Variants in DLGAP2 observed in about 807,000 individuals in gnomAD.
The protein encoded by DLGAP2 is DLG associated protein 2, also known as disks large-associated protein 2.
Under a neutral mutation model 100.3 loss-of-function variants are expected in DLGAP2, and 26 were observed. The observed-to-expected ratio is 0.26, with a 90% CI of 0.19 to 0.36. The LOEUF is 0.36. Ranked by LOEUF, DLGAP2 falls within the 10% of genes least tolerant of loss-of-function variation. DLGAP2 has a pLI of 1.00. For synonymous variants in DLGAP2, 886 were observed against 630.1 expected (o/e 1.41, Z -6.08); for missense variants, 1,858 against 1,453.2 (o/e 1.28, Z -4.53).
At chr8:1,361,200 A>C (rs1801975039) in intron 3 of DLGAP2, among the ~76,000 whole-genome samples, 1 of 152,150 alleles carries the variant, frequency 6.6e-6, no homozygotes, top group Admixed American at 6.5e-5. Context: ...CACCAACTGC[A>C]AATGTGTAGC....
At chr8:1,002,976 G>C (rs895680640) in intron 2 of DLGAP2, 3 of 152,218 alleles carry the variant, frequency 2.0e-5, no homozygotes, top group Non-Finnish European at 4.4e-5. Context: ...CCTTTATAAC[G>C]ATCTGGGACG....
chr8:739,606 G>A lies in DLGAP2; in HGVS notation c.18+1781G>A, dbSNP rs536686810. On this transcript the variant is annotated intron_variant, in intron 1 of 14. Transcript: ENST00000637795. The stretch of plus-strand genomic sequence containing the variant: ...AAAATGGCGAAATGATGAAAAAATG[G>A]TAATTCTTGGCAGGTCAAGTTGTTA... 3 of 152,352 alleles carry A rather than the reference G, an allele frequency of 2.0e-5. No homozygotes were observed. The South Asian group carries it at 6.2e-4, about 32-fold the overall frequency. 9.4% of individuals were successfully genotyped at this position (152,352 alleles called of 1,614,324 possible).
chr8:1,326,957 A>T (rs904790079), intron 3 of DLGAP2, among the ~76,000 whole-genome samples: 1 of 152,250 alleles, frequency 6.6e-6, no homozygotes, highest in Admixed American at 6.5e-5. Flanking sequence ...TTTAGCCAGC[A>T]TAAAATGTCT....
chr8:1,600,636 C>G (rs977181596), intron 6 of DLGAP2, among the ~76,000 whole-genome samples: 9 of 152,170 alleles, frequency 5.9e-5, no homozygotes, highest in African/African-American at 2.2e-4. Flanking sequence ...GCTTCAATTT[C>G]TGATATCCTT....
At chr8:838,206 C>T (rs1166668742) in intron 1 of DLGAP2, among the ~76,000 whole-genome samples, 1 of 152,014 alleles carries the variant, frequency 6.6e-6, no homozygotes, top group East Asian at 1.9e-4. Context: ...CTTTCCCCTC[C>T]CTTTGTTCCT....
chr8:1,495,121 C>T (rs1210774362), intron 3 of DLGAP2, among the ~76,000 whole-genome samples: 1 of 152,212 alleles, frequency 6.6e-6, no homozygotes, highest in Non-Finnish European at 1.5e-5. Flanking sequence ...CCCTTCCCTG[C>T]CAAGATCAGA....
At chr8:1,254,316 T>C (rs940326097) in intron 2 of DLGAP2, among the ~76,000 whole-genome samples, 6 of 152,168 alleles carry the variant, frequency 3.9e-5, no homozygotes, top group African/African-American at 1.4e-4. Context: ...GATGGGTCCA[T>C]CAAGGCCTCG....
At chr8:1,382,718 G>T (rs1287375267) in intron 3 of DLGAP2, among the ~76,000 whole-genome samples, 1 of 152,152 alleles carries the variant, frequency 6.6e-6, no homozygotes, top group Non-Finnish European at 1.5e-5. Flanking sequence ...CTCCAGCCTG[G>T]GCAACCCAGT....
chr8:1,518,039 T>C (rs768979930), intron 4 of DLGAP2, among the ~76,000 whole-genome samples: 3 of 152,166 alleles, frequency 2.0e-5, no homozygotes, highest in African/African-American at 7.2e-5. Flanking sequence ...GTAGAAAAAT[T>C]TAAAAGTGAT....
chr8:1,160,957 A>T (rs1665459214), intron 2 of DLGAP2, among the ~76,000 whole-genome samples: 1 of 152,230 alleles, frequency 6.6e-6, no homozygotes, highest in Non-Finnish European at 1.5e-5. Context: ...TAGCTGTGGC[A>T]AAAATAGCCA....
chr8:800,237 T>C (rs1022867728), intron 1 of DLGAP2, among the ~76,000 whole-genome samples: 4 of 152,184 alleles, frequency 2.6e-5, no homozygotes, highest in African/African-American at 9.7e-5. Context: ...GAATCATCAG[T>C]GTTCCCTGGT....
chr8:1,451,744 G>A (rs1448773195), intron 3 of DLGAP2, among the ~76,000 whole-genome samples: 3 of 152,104 alleles, frequency 2.0e-5, no homozygotes, highest in Non-Finnish European at 4.4e-5. Context: ...ATGTCCAGGA[G>A]CTCCCTCCAC....
At chr8:1,495,611 C>T (rs940994670) in intron 3 of DLGAP2, among the ~76,000 whole-genome samples, 2 of 152,192 alleles carry the variant, frequency 1.3e-5, no homozygotes, top group Admixed American at 1.3e-4. Flanking sequence ...GCCTCTGCAC[C>T]TACTGGGAAG....
chr8:1,025,571 C>G (rs1428160974), intron 2 of DLGAP2, among the ~76,000 whole-genome samples: 1 of 152,182 alleles, frequency 6.6e-6, no homozygotes, highest in East Asian at 1.9e-4. Flanking sequence ...TGGCGGAGAG[C>G]AGCTGTGTGG....
intron 1 of DLGAP2, among the ~76,000 whole-genome samples, chr8:891,082 TGGG>T (rs1173043441): frequency 6.6e-6 from 1 of 151,428 alleles, no homozygotes; most frequent in East Asian, 2.0e-4. Context: ...CCCCCTCCCT[TGGG>T]GGGTGCTTTT....
chr8:1,336,960 C>T (rs1023285958), intron 3 of DLGAP2, among the ~76,000 whole-genome samples: 1 of 152,172 alleles, frequency 6.6e-6, no homozygotes, highest in Admixed American at 6.5e-5. Flanking sequence ...TTATCCCACC[C>T]TAAAATGAAG....
rs568845331 is a variant in DLGAP2, at chr8:1,334,676, C to T, written c.106+75793C>T. 2.1e-4 allele frequency among the ~76,000 whole-genome samples: 32 copies of T among 152,260 alleles called. No homozygotes were observed. The South Asian group carries it at 6.0e-3, about 29-fold the overall frequency. On this transcript the variant is annotated intron_variant, in intron 3 of 14. Transcript: ENST00000637795. ...CCAGTGTGGCATCCACGTCGGCATT[C>T]TCGGCACTCCAGGGTAAACACCTCC...
At position 945,132 on chromosome 8, in the gene DLGAP2, A is replaced by G. The variant is rs79939634; in HGVS notation, c.73+37166A>G. Among the ~76,000 whole-genome samples, 750 of 152,350 alleles carry G rather than the reference A, an allele frequency of 4.9e-3. 6 individuals are homozygous for G. Among genetic ancestry groups the G allele is most frequent in the African/African-American group, 0.017 (715 of 41,580 alleles). Reference sequence around the variant, plus strand: ...TGGGGAGAATGAGGATTCAGTGCACAAAACACCCCTAAGAACCATGACTTT... The same window carrying G: ...TGGGGAGAATGAGGATTCAGTGCACGAAACACCCCTAAGAACCATGACTTT... On this transcript the variant is annotated intron_variant, in intron 2 of 14. Coordinates refer to ENST00000637795, the MANE Select transcript of DLGAP2 (RefSeq NM_001346810.2).
At chr8:1,180,834 C>T (rs1038032829) in intron 2 of DLGAP2, among the ~76,000 whole-genome samples, 3 of 148,162 alleles carry the variant, frequency 2.0e-5, no homozygotes, top group South Asian at 4.3e-4. Flanking sequence ...TGGTGCACGT[C>T]CTGTGCAAGG....
Sources: gnomAD v4.1 joint callset for allele counts (sites outside exome capture counted in the v4.1 genomes callset) on GRCh38, gnomAD v4.1.1 for gene constraint, MANE v1.5 for transcripts, NCBI Gene and HGNC (gene_info 2026-07-23, HGNC 2026-07-21) for gene names.